The following CIDEA variants were observed in gnomAD, a reference collection of about 807,000 sequenced individuals.
The protein encoded by CIDEA is lipid transferase CIDEA.
Under a neutral mutation model 18.2 loss-of-function variants are expected in CIDEA, and 10 were observed. The observed-to-expected ratio is 0.55, with a 90% CI of 0.34 to 0.93. The LOEUF is 0.93. Ranked by LOEUF, CIDEA falls within the 40% of genes least tolerant of loss-of-function variation. CIDEA has a pLI of 0.02. For missense variants in CIDEA, 309 were observed against 293.1 expected, an observed-to-expected ratio of 1.05 and a Z score of -0.40; for synonymous variants, 128 against 124.8, an observed-to-expected ratio of 1.03 and a Z score of -0.17.
intron 3 of CIDEA, among the ~76,000 whole-genome samples, chr18:12,265,639 G>A (rs1598777781): frequency 6.6e-6 from 1 of 152,186 alleles, no homozygotes; most frequent in Non-Finnish European, 1.5e-5. Flanking sequence ...CAATGGAGGG[G>A]TTTGCTCATT....
chr18:12,277,398 T>G lies in CIDEA; in HGVS notation c.*128T>G. The stretch of plus-strand genomic sequence containing the variant: ...GGCCGCTGGTCACGCTGCTCAGGAG[T>G]GGTGCCCAGAAAAGGAAAGGGCTTG... On this transcript the variant is annotated 3_prime_UTR_variant, in exon 5 of 5. Transcript: ENST00000320477. 9.6e-7 allele frequency: 1 copy of G among 1,039,414 alleles called. No individual in the cohort carries two copies. The highest frequency in any genetic ancestry group is 1.4e-6 in the Non-Finnish European group (1 of 728,972). 64.4% of individuals were successfully genotyped at this position (1,039,414 alleles called of 1,614,324 possible).
chr18:12,277,416 A>C lies in CIDEA; in HGVS notation c.*146A>C. 8.3e-6 allele frequency: 7 copies of C among 840,350 alleles called. No individual in the cohort carries two copies. The highest frequency in any genetic ancestry group is 1.7e-5 in the African/African-American group (1 of 57,228). 52.1% of individuals were successfully genotyped at this position (840,350 alleles called of 1,614,324 possible). ...TCAGGAGTGGTGCCCAGAAAAGGAA[A>C]GGGCTTGGTGGTACATGAAGTGGGG... On this transcript the variant is annotated 3_prime_UTR_variant, in exon 5 of 5. Transcript: ENST00000320477.
At chr18:12,254,513 C>A in intron 1 of CIDEA, 92 bp downstream of exon 1, 1 of 1,543,186 alleles carries the variant, frequency 6.5e-7, no homozygotes, top group Non-Finnish European at 8.7e-7. Context: ...TAGTACCGTA[C>A]CCCGCTCCCT....
At chr18:12,270,682 G>A (rs1391318369) in intron 3 of CIDEA, among the ~76,000 whole-genome samples, 5 of 58,080 alleles carry the variant, frequency 8.6e-5, no homozygotes, top group South Asian at 7.8e-4. Context: ...GCAAGACTCC[G>A]TCTCACAAAA....
chr18:12,262,878 T>G lies in CIDEA; in HGVS notation c.92T>G (p.Met31Arg), dbSNP rs761165209. 19 of 1,614,198 alleles carry G rather than the reference T, an allele frequency of 1.2e-5. 1 individual carries two copies. The highest frequency in any genetic ancestry group is 1.4e-5 in the Non-Finnish European group (16 of 1,180,036). ...AAGCGAGTCCTGTTCACCCCGCTCATGCATCCAGCTCGCCCTTTCCGGGTC... is the reference window on the plus strand; with the variant it reads ...AAGCGAGTCCTGTTCACCCCGCTCAGGCATCCAGCTCGCCCTTTCCGGGTC... ...QTKRVLFTPL[M>R]HPARPFRVSN... The change falls in exon 2 of 5, where the codon ATG becomes AGG. Residue 31 changes from methionine to arginine, a missense_variant. Met to Arg is a moderately conservative substitution (Grantham distance 91, BLOSUM62 -1). Transcript: ENST00000320477.
At chr18:12,265,672 G>T (rs950159277) in intron 3 of CIDEA, among the ~76,000 whole-genome samples, 1 of 152,158 alleles carries the variant, frequency 6.6e-6, no homozygotes, top group Admixed American at 6.5e-5. Flanking sequence ...CTCCAGCCCC[G>T]TTTCCAGGAT....
intron 3 of CIDEA, among the ~76,000 whole-genome samples, chr18:12,270,587 G>A (rs999434062): frequency 2.7e-5 from 4 of 150,418 alleles, no homozygotes; most frequent in Admixed American, 6.7e-5. Context: ...TACTTGGGAG[G>A]TTGAGGCAGA....
intron 1 of CIDEA, among the ~76,000 whole-genome samples, chr18:12,256,449 G>A (rs1487304556): frequency 1.3e-5 from 2 of 152,208 alleles, no homozygotes; most frequent in Non-Finnish European, 2.9e-5. Context: ...AGCTAGAATC[G>A]TTAGGGGCCT....
intron 1 of CIDEA, 140 bp from the exon 2 acceptor site, chr18:12,262,685 A>G: frequency 1.3e-6 from 1 of 741,612 alleles, no homozygotes. Flanking sequence ...GTACACTTGT[A>G]TATATAATTT....
chr18:12,265,209 T>C (rs984662312), intron 3 of CIDEA, among the ~76,000 whole-genome samples: 3 of 152,230 alleles, frequency 2.0e-5, no homozygotes, highest in East Asian at 1.9e-4. Context: ...ATAGATGATA[T>C]AGCCCAAAAA....
At chr18:12,266,157 G>T (rs1182423922) in intron 3 of CIDEA, among the ~76,000 whole-genome samples, 4 of 152,176 alleles carry the variant, frequency 2.6e-5, no homozygotes, top group African/African-American at 9.6e-5. Flanking sequence ...CTTGAGCCCA[G>T]GACTTGGATG....
chr18:12,272,342 A>G (rs1912574217), intron 3 of CIDEA, among the ~76,000 whole-genome samples: 1 of 152,154 alleles, frequency 6.6e-6, no homozygotes, highest in Non-Finnish European at 1.5e-5. Context: ...CCTTCTGAGT[A>G]GCTGGGATTA....
chr18:12,271,044 G>C (rs889100461), intron 3 of CIDEA, among the ~76,000 whole-genome samples: 1 of 151,612 alleles, frequency 6.6e-6, no homozygotes, highest in Non-Finnish European at 1.5e-5. Flanking sequence ...GATTACAGGC[G>C]CCCACCACCA....
intron 1 of CIDEA, among the ~76,000 whole-genome samples, chr18:12,260,493 G>A (rs111815806): frequency 8.5e-5 from 13 of 152,116 alleles, no homozygotes; most frequent in Admixed American, 2.0e-4. Context: ...GCCAACTATC[G>A]GTTTTTTATA....
At chr18:12,274,797 A>G (rs1912659801) in intron 4 of CIDEA, among the ~76,000 whole-genome samples, 1 of 152,206 alleles carries the variant, frequency 6.6e-6, no homozygotes, top group African/African-American at 2.4e-5. Flanking sequence ...ATCCCAGGAA[A>G]CAGAACTTTT....
At chr18:12,257,627 G>A (rs540155119) in intron 1 of CIDEA, among the ~76,000 whole-genome samples, 8 of 152,288 alleles carry the variant, frequency 5.3e-5, no homozygotes, top group South Asian at 2.1e-4. Context: ...GTTTCACAGC[G>A]TTCTATGAAG....
At chr18:12,264,528 T>A in intron 3 of CIDEA, 75 bp downstream of exon 3, 1 of 1,097,846 alleles carries the variant, frequency 9.1e-7, no homozygotes, top group Non-Finnish European at 1.3e-6. Flanking sequence ...CCTACTTGGG[T>A]GTTGACTTGT....
At chr18:12,259,704 T>G (rs1912135617) in intron 1 of CIDEA, among the ~76,000 whole-genome samples, 1 of 151,926 alleles carries the variant, frequency 6.6e-6, no homozygotes. Flanking sequence ...TTACTAAAAA[T>G]ACAAAAATTA....
In CIDEA at chr18:12,263,414, AAAG is replaced by A. The variant is rs1212988128; in HGVS notation, c.183+449_183+451del. On this transcript the variant is annotated intron_variant, in intron 2 of 4. Transcript: ENST00000320477. ...GCTGTTTTTAAAAGAGGAGGAAAAG[AAAG>A]AAGGAGAAACAGCAAGTTAAACTCA... is the stretch of plus-strand genomic sequence containing the variant. Among the ~76,000 whole-genome samples the A allele has an allele frequency of 5.3e-5, 8 of 152,352 alleles. No homozygotes were observed. The East Asian group carries it at 1.5e-3, about 29-fold the overall frequency.
Sources: gnomAD v4.1 joint callset for allele counts (sites outside exome capture counted in the v4.1 genomes callset) on GRCh38, gnomAD v4.1.1 for gene constraint, MANE v1.5 for transcripts, NCBI Gene and HGNC (gene_info 2026-07-23, HGNC 2026-07-21) for gene names.